TOP6BL: variants seen among roughly 807,000 people sequenced by gnomAD.
TOP6BL encodes the protein TOP6B like initiator of meiotic double strand breaks.
the TOP6BL span, chr11:66,748,240 C>T: frequency 1.5e-6 from 1 of 677,158 alleles, no homozygotes; most frequent in Non-Finnish European, 2.4e-6. Context: ...TCTGAACAAA[C>T]CTAAATCTGA....
the TOP6BL span, among the ~76,000 whole-genome samples, chr11:66,749,859 T>C: frequency 1.3e-5 from 2 of 152,190 alleles, no homozygotes; most frequent in African/African-American, 4.8e-5. Context: ...ATTACAAACG[T>C]GAGCTACCGC....
chr11:66,827,966 G>GGA, the TOP6BL span, among the ~76,000 whole-genome samples: 1 of 30,120 alleles, frequency 3.3e-5, no homozygotes, highest in African/African-American at 1.1e-4. Flanking sequence ...CTCTGTCTCA[G>GGA]AAAAAAAAAA....
the TOP6BL span, chr11:66,843,126 C>G: frequency 1.0e-5 from 16 of 1,605,266 alleles, no homozygotes; most frequent in Non-Finnish European, 1.3e-5. Flanking sequence ...GGCCACGGGC[C>G]GCTGCTGAGA....
At chr11:66,842,945 C>T in the TOP6BL span, 2 of 1,556,298 alleles carry the variant, frequency 1.3e-6, no homozygotes, top group Non-Finnish European at 1.7e-6. Flanking sequence ...CCGAGCCCGT[C>T]AGAGGCCGCC....
chr11:66,802,163 A>ATT, the TOP6BL span, among the ~76,000 whole-genome samples: 1 of 144,938 alleles, frequency 6.9e-6, no homozygotes. Context: ...TACGCTGCTA[A>ATT]TTTTTTTTTT....
At chr11:66,751,156 C>T in the TOP6BL span, among the ~76,000 whole-genome samples, 3 of 151,870 alleles carry the variant, frequency 2.0e-5, no homozygotes, top group Admixed American at 2.0e-4. Context: ...GCTGGGACTA[C>T]AGGCATGTGC....
chr11:66,783,341 C>G, the TOP6BL span, among the ~76,000 whole-genome samples: 17 of 152,176 alleles, frequency 1.1e-4, no homozygotes, highest in East Asian at 2.5e-3. Flanking sequence ...TAGCCTGGGC[C>G]ACAGAACATG....
the TOP6BL span, chr11:66,762,178 GTC>G: frequency 5.2e-6 from 4 of 763,072 alleles, no homozygotes; most frequent in Non-Finnish European, 9.2e-6. Flanking sequence ...TCAAAGCTTT[GTC>G]TCCTTCGCAC....
the TOP6BL span, chr11:66,842,932 G>A: frequency 6.4e-7 from 1 of 1,559,228 alleles, no homozygotes; most frequent in South Asian, 1.2e-5. Context: ...CTCTGCCAGG[G>A]CCCCGAGCCC....
the TOP6BL span, chr11:66,796,505 C>A: frequency 1.5e-6 from 1 of 670,324 alleles, no homozygotes; most frequent in Non-Finnish European, 2.4e-6. Flanking sequence ...TATTTGAGGT[C>A]ATGGTGGCTC....
chr11:66,819,904 TAAA>T, the TOP6BL span, among the ~76,000 whole-genome samples: 88 of 119,704 alleles, frequency 7.4e-4, no homozygotes, highest in Middle Eastern at 0.012. Flanking sequence ...ACTCTTGTCT[TAAA>T]AAAAAAAAAA....
At chr11:66,746,302 G>T in the TOP6BL span, among the ~76,000 whole-genome samples, 367 of 152,170 alleles carry the variant, frequency 2.4e-3, 5 homozygotes, top group East Asian at 0.022. Context: ...ATAATAATGG[G>T]AGTTGGCCGG....
the TOP6BL span, among the ~76,000 whole-genome samples, chr11:66,830,702 G>A: frequency 6.6e-6 from 1 of 152,052 alleles, no homozygotes; most frequent in Non-Finnish European, 1.5e-5. Flanking sequence ...AATCAGAAAG[G>A]TAGCATCAGA....
the TOP6BL span, among the ~76,000 whole-genome samples, chr11:66,806,916 A>G: frequency 1.3e-5 from 2 of 152,184 alleles, no homozygotes; most frequent in Admixed American, 6.5e-5. Context: ...ATTTTAAAAC[A>G]TGCTTTTTCT....
chr11:66,821,785 T>A, the TOP6BL span: 3 of 1,611,068 alleles, frequency 1.9e-6, no homozygotes, highest in African/African-American at 4.0e-5. Flanking sequence ...ATTCACAGCC[T>A]CTTTTCTCCT....
At chr11:66,777,588 A>T in the TOP6BL span, among the ~76,000 whole-genome samples, 2 of 152,062 alleles carry the variant, frequency 1.3e-5, no homozygotes, top group Non-Finnish European at 2.9e-5. Context: ...ATGGCTCTGA[A>T]ATTGCTTTGT....
chr11:66,843,161 T>A, the TOP6BL span: 1 of 1,611,152 alleles, frequency 6.2e-7, no homozygotes, highest in Non-Finnish European at 8.5e-7. Context: ...GCCCCCTTGT[T>A]CCCGCAGGAC....
the TOP6BL span, among the ~76,000 whole-genome samples, chr11:66,779,903 T>C: frequency 6.7e-6 from 1 of 149,890 alleles, no homozygotes; most frequent in Non-Finnish European, 1.5e-5. Context: ...AGCATACTTT[T>C]ACAAGGACAA....
chr11:66,824,453 ATTAT>A, the TOP6BL span, among the ~76,000 whole-genome samples: 1 of 146,376 alleles, frequency 6.8e-6, no homozygotes, highest in Admixed American at 6.9e-5. Flanking sequence ...TATTATTATT[ATTAT>A]TATTATACTT....
Sources: gnomAD v4.1 joint callset for allele counts (sites outside exome capture counted in the v4.1 genomes callset) on GRCh38, gnomAD v4.1.1 for gene constraint, MANE v1.5 for transcripts, NCBI Gene and HGNC (gene_info 2026-07-23, HGNC 2026-07-21) for gene names.